Variants in SPOCK1 observed in about 807,000 individuals in gnomAD.
The protein encoded by SPOCK1 is SPARC (osteonectin), cwcv and kazal like domains proteoglycan 1.
Under a neutral mutation model 55.3 loss-of-function variants are expected in SPOCK1, and 23 were observed. The observed-to-expected ratio is 0.42, with a 90% CI of 0.30 to 0.59. SPOCK1 has a LOEUF of 0.59. SPOCK1 is among the 20% of genes least tolerant of loss of function. The pLI, the probability that SPOCK1 is intolerant of heterozygous loss-of-function variation, is 0.22. For missense variants in SPOCK1, 499 were observed against 552.5 expected (o/e 0.90, Z 0.97); for synonymous variants, 226 against 221.0 (o/e 1.02, Z -0.20).
intron 3 of SPOCK1, among the ~76,000 whole-genome samples, chr5:137,236,694 G>A (rs538539657): frequency 6.6e-6 from 1 of 152,284 alleles, no homozygotes; most frequent in Non-Finnish European, 1.5e-5. Flanking sequence ...GAATGGTTTA[G>A]AATCAGCTCA....
At chr5:137,184,842 C>A (rs1187428596) in intron 3 of SPOCK1, among the ~76,000 whole-genome samples, 1 of 152,098 alleles carries the variant, frequency 6.6e-6, no homozygotes, top group Non-Finnish European at 1.5e-5. Context: ...TCTAGGAGGC[C>A]CTGGAATTGC....
intron 2 of SPOCK1, among the ~76,000 whole-genome samples, chr5:137,278,989 G>A (rs918806411): frequency 7.2e-5 from 11 of 152,066 alleles, no homozygotes; most frequent in African/African-American, 1.7e-4. Context: ...ATCTGGTCCC[G>A]CTTATTTAGG....
chr5:137,261,269 C>T (rs1190153484), intron 3 of SPOCK1, among the ~76,000 whole-genome samples: 1 of 152,146 alleles, frequency 6.6e-6, no homozygotes, highest in African/African-American at 2.4e-5. Context: ...AGAAGGAAAA[C>T]TCCCCTTCTA....
At chr5:137,253,977 G>C (rs1475823160) in intron 3 of SPOCK1, among the ~76,000 whole-genome samples, 1 of 152,186 alleles carries the variant, frequency 6.6e-6, no homozygotes. Context: ...CTGGGTGAAG[G>C]AATCTGTGCC....
intron 2 of SPOCK1, among the ~76,000 whole-genome samples, chr5:137,414,833 C>CA (rs1237453783): frequency 6.6e-6 from 1 of 152,052 alleles, no homozygotes; most frequent in Admixed American, 6.6e-5. Flanking sequence ...ACTCTGAAGC[C>CA]AAAAAAGTCA....
At chr5:137,303,457 C>T (rs1757642767) in intron 2 of SPOCK1, among the ~76,000 whole-genome samples, 1 of 152,174 alleles carries the variant, frequency 6.6e-6, no homozygotes, top group South Asian at 2.1e-4. Context: ...GTAATCTTCA[C>T]ACATAGACAC....
At chr5:136,994,945 C>T (rs911806832) in intron 6 of SPOCK1, among the ~76,000 whole-genome samples, 2 of 151,946 alleles carry the variant, frequency 1.3e-5, no homozygotes, top group East Asian at 1.9e-4. Flanking sequence ...GCGGAGGTTG[C>T]GGTGAGCTGA....
In SPOCK1 at chr5:137,019,002, T is replaced by A. The variant is rs3843807; in HGVS notation, c.590-26402A>T. ...CAAATAGCCAATAAATACACACACA[T>A]ACACAAAAGTGTTTCACTTCAATAG... is the stretch of plus-strand genomic sequence containing the variant. On this transcript the variant is annotated intron_variant, in intron 6 of 10. Transcript: ENST00000394945. Among the ~76,000 whole-genome samples the A allele has an allele frequency of 2.0e-5, 3 of 152,018 alleles. No homozygotes were observed. The East Asian group carries it at 5.8e-4, about 29-fold the overall frequency.
At chr5:137,347,956 T>C (rs1356463253) in intron 2 of SPOCK1, among the ~76,000 whole-genome samples, 1 of 152,188 alleles carries the variant, frequency 6.6e-6, no homozygotes, top group African/African-American at 2.4e-5. Context: ...CTTGTTAAAA[T>C]GCACATTCTG....
At chr5:137,448,978 G>A (rs1289608213) in intron 2 of SPOCK1, among the ~76,000 whole-genome samples, 2 of 152,338 alleles carry the variant, frequency 1.3e-5, no homozygotes, top group East Asian at 3.9e-4. Context: ...TGCCAGGGAA[G>A]TGAGACAGCA....
At chr5:137,202,028 T>C (rs9637893) in intron 3 of SPOCK1, among the ~76,000 whole-genome samples, 60,772 of 152,086 alleles carry the variant, frequency 0.4, 13,218 homozygotes, top group Non-Finnish European at 0.48. Context: ...TGCCTGAACA[T>C]TCCAACCTAC....
intron 2 of SPOCK1, among the ~76,000 whole-genome samples, chr5:137,417,046 C>T (rs1208841043): frequency 2.0e-5 from 3 of 152,040 alleles, no homozygotes; most frequent in African/African-American, 7.2e-5. Context: ...CATACATATA[C>T]ATATCCACAT....
At chr5:137,102,986 T>A (rs977496849) in intron 5 of SPOCK1, among the ~76,000 whole-genome samples, 1 of 152,144 alleles carries the variant, frequency 6.6e-6, no homozygotes, top group African/African-American at 2.4e-5. Context: ...TTTTGGGTTT[T>A]TTTTGTTTTG....
intron 6 of SPOCK1, among the ~76,000 whole-genome samples, chr5:137,013,934 C>T (rs887847526): frequency 2.6e-5 from 4 of 152,000 alleles, no homozygotes; most frequent in Middle Eastern, 3.2e-3. Flanking sequence ...GGGGGCGCAT[C>T]GGGGTAGTAA....
intron 3 of SPOCK1, among the ~76,000 whole-genome samples, chr5:137,162,997 C>G (rs1057493675): frequency 2.0e-4 from 31 of 152,158 alleles, no homozygotes; most frequent in Non-Finnish European, 2.6e-4. Flanking sequence ...TTCCAAGGTT[C>G]TTTAGCAAGT....
At position 137,256,455 on chromosome 5, in the gene SPOCK1, T is replaced by C. The variant is rs577852643; in HGVS notation, c.232+10555A>G. 4.6e-5 allele frequency among the ~76,000 whole-genome samples: 7 copies of C among 152,238 alleles called. No individual in the cohort carries two copies. The South Asian group carries it at 1.4e-3, about 32-fold the overall frequency. ...ATCTGGTGAGGGCCTTCTTGTTGTCTCAGGACATGGGGGCAGGCATCACAT... is the reference window on the plus strand; with the variant it reads ...ATCTGGTGAGGGCCTTCTTGTTGTCCCAGGACATGGGGGCAGGCATCACAT... On this transcript the variant is annotated intron_variant, in intron 3 of 10. Transcript: ENST00000394945.
intron 6 of SPOCK1, among the ~76,000 whole-genome samples, chr5:137,040,331 C>A (rs771095128): frequency 1.3e-5 from 2 of 152,270 alleles, no homozygotes; most frequent in African/African-American, 2.4e-5. Context: ...CCAATCCACA[C>A]TGGGCATATG....
At chr5:137,103,072 C>T (rs1027863713) in intron 5 of SPOCK1, among the ~76,000 whole-genome samples, 2 of 152,080 alleles carry the variant, frequency 1.3e-5, no homozygotes, top group African/African-American at 4.8e-5. Context: ...CTCACTGCAA[C>T]CTCTGCCTCC....
At chr5:137,202,424 A>G (rs1394514847) in intron 3 of SPOCK1, among the ~76,000 whole-genome samples, 1 of 152,226 alleles carries the variant, frequency 6.6e-6, no homozygotes, top group Non-Finnish European at 1.5e-5. Context: ...CAGAAAAGCC[A>G]GACTAATGCC....
Sources: allele counts gnomAD v4.1 joint callset (sites outside exome capture counted in the v4.1 genomes callset), GRCh38; gene constraint gnomAD v4.1.1; transcripts MANE v1.5; gene names NCBI Gene and HGNC (gene_info 2026-07-23, HGNC 2026-07-21).